The following ZNF648 variants were observed in gnomAD, a reference collection of about 807,000 sequenced individuals.
ZNF648 encodes zinc finger protein 648.
In ZNF648, 1 loss-of-function variant was observed where a neutral mutation model predicts 0.3. The ratio of observed to expected loss-of-function variants is 3.90; its 90% CI spans 1.39 to 18.51. ZNF648 has a LOEUF of 18.51. Among genes scored for constraint, ZNF648 ranks in the 30% most tolerant of loss-of-function variants. The pLI is 0.11. For missense variants in ZNF648, 874 were observed against 769.7 expected (o/e 1.14, Z -1.60); for synonymous variants, 376 against 326.8 (o/e 1.15, Z -1.62).
At position 182,056,746 on chromosome 1, in the gene ZNF648, C is replaced by T. The variant is rs930180606; in HGVS notation, c.1265G>A (p.Cys422Tyr). Residue 422 changes from cysteine to tyrosine, a missense_variant, in exon 2 of 2, where the codon TGC (cysteine) becomes TAC (tyrosine). Coordinates refer to ENST00000339948, the MANE Select transcript of ZNF648 (RefSeq NM_001009992.1). Reference sequence around the variant, plus strand: ...GGTGAAGCACTTGCCGCAGGTGGGGCAGGGGAAGGGCCGCTCGCCCGAGTG... The same window carrying T: ...GGTGAAGCACTTGCCGCAGGTGGGGTAGGGGAAGGGCCGCTCGCCCGAGTG... ...RVHSGERPFP[C>Y]PTCGKCFTKS... The T allele has an allele frequency of 2.5e-6, 4 of 1,574,860 alleles. No individual in the cohort carries two copies. The highest frequency in any genetic ancestry group is 2.6e-6 in the Non-Finnish European group (3 of 1,160,338).
intron 1 of ZNF648, among the ~76,000 whole-genome samples, chr1:182,060,897 C>T (rs961126852): frequency 3.9e-5 from 6 of 152,184 alleles, no homozygotes; most frequent in South Asian, 2.1e-4. Flanking sequence ...TGACTTTACC[C>T]GCTCCCCACC....
chr1:182,056,787 C>T lies in ZNF648; in HGVS notation c.1224G>A (p.Val408=), dbSNP rs1205208346. ...DREFAVASRM[V]EHQRVHSGER... ...CGCCCGAGTGCACGCGCTGGTGCTC[C>T]ACCATGCGGCTGGCCACAGCGAACT... The change falls in exon 2 of 2, where the codon GTG becomes GTA. Residue 408 remains valine (V), a synonymous_variant. Coordinates refer to ENST00000339948, the MANE Select transcript of ZNF648 (RefSeq NM_001009992.1). 1.9e-6 allele frequency: 3 copies of T among 1,556,198 alleles called. No individual in the cohort carries two copies. The highest frequency in any genetic ancestry group is 1.2e-5 in the South Asian group (1 of 84,762).
At position 182,057,821 on chromosome 1, in the gene ZNF648, C is replaced by T. The variant is rs757852320; in HGVS notation, c.190G>A (p.Glu64Lys). 4 of 1,614,208 alleles carry T rather than the reference C, an allele frequency of 2.5e-6. No individual in the cohort carries two copies. The highest frequency in any genetic ancestry group is 2.2e-5 in the East Asian group (1 of 44,868). ...TGGGGCCATGGCAAGTCAGGATTTT[C>T]GTGTGTTACTGGGGAGCTGCCCCTT... ...CPRGSSPVTH[E>K]NPDLPWPHPL... Residue 64 changes from glutamate (E) to lysine (K), a missense_variant, in exon 2 of 2, where the codon GAA becomes AAA. Transcript: ENST00000339948.
Position 182,056,273 on chromosome 1 carries a change from G to C in ZNF648, c.*31C>G, listed in dbSNP as rs367568463. 7.4e-5 allele frequency: 116 copies of C among 1,574,804 alleles called. No homozygotes were observed. Among genetic ancestry groups the C allele is most frequent in the African/African-American group, 1.3e-5 (1 of 74,090 alleles). On this transcript the variant is annotated 3_prime_UTR_variant, in exon 2 of 2. Transcript: ENST00000339948. ...CATGTGAGTGGGCCCACCTGGGAAG[G>C]TTCCAAGTAGTGAGGTCGACGATGC...
Position 182,055,987 on chromosome 1 carries a change from T to G in ZNF648, c.*317A>C. ...CTGGAGCCCGGCCCAGTGCCCAGCA[T>G]GTAATTCTAGAAGCAGTTTCTGATT... On this transcript the variant is annotated 3_prime_UTR_variant, in exon 2 of 2. Transcript: ENST00000339948. This position sits in a 1 kb window ranked among gnomAD's most constrained non-coding sequence, Gnocchi z 4.1. The G allele has an allele frequency of 9.0e-6, 3 of 332,720 alleles. No homozygotes were observed. Among genetic ancestry groups the G allele is most frequent in the Non-Finnish European group, 1.7e-5 (3 of 181,266 alleles). 20.6% of individuals were successfully genotyped at this position (332,720 alleles called of 1,614,324 possible). A position where few individuals can be genotyped will look rare whatever the true frequency, so the allele number is the denominator to read the frequency against.
At chr1:182,062,530 C>A (rs897146247), upstream of ZNF648, 3 of 152,150 alleles carry the variant, frequency 2.0e-5, no homozygotes, top group Non-Finnish European at 4.4e-5. Flanking sequence ...AGTTATTTAA[C>A]CTCTGTGTGC....
Position 182,057,248 on chromosome 1 carries a change from C to T in ZNF648, c.763G>A (p.Gly255Ser), listed in dbSNP as rs1665941872. The T allele has an allele frequency of 8.9e-6, 14 of 1,575,206 alleles. No individual in the cohort carries two copies. Among genetic ancestry groups the T allele is most frequent in the Non-Finnish European group, 1.2e-5 (14 of 1,167,082 alleles). The change falls in exon 2 of 2, where the codon GGC becomes AGC. Residue 255 changes from glycine (G) to serine (S), a missense_variant. Gly to Ser is a moderately conservative substitution (Grantham distance 56). Transcript: ENST00000339948. ...CTGGGCTTCTGAAAGGCCCGCCCGC[C>T]CCGCAGGCACCTGTAGGGACGCGCC... ...AEARPYRCLR[G>S]GRAFQKPSKP...
chr1:182,056,419 G>A lies in ZNF648; in HGVS notation c.1592C>T (p.Pro531Leu). 6.2e-7 allele frequency: 1 copy of A among 1,614,146 alleles called. No homozygotes were observed. The highest frequency in any genetic ancestry group is 1.1e-5 in the South Asian group (1 of 91,070). Reference sequence around the variant, plus strand: ...CTGGCCGCAGTCCTCACACTGGTAGGGCCTCTCTCCGTTGTGCATTCGTAT... The same window carrying A: ...CTGGCCGCAGTCCTCACACTGGTAGAGCCTCTCTCCGTTGTGCATTCGTAT... ...QHIRMHNGERPYQCEDCGQAF... is the reference protein window; with the variant it reads ...QHIRMHNGERLYQCEDCGQAF... Residue 531 changes from proline to leucine, a missense_variant, in exon 2 of 2, where the codon CCC (proline) becomes CTC (leucine). Pro to Leu is a moderately conservative substitution (Grantham distance 98). Transcript: ENST00000339948.
rs777481899 is a variant in ZNF648, at chr1:182,056,293, C to T, written c.*11G>A. 1.3e-6 allele frequency: 2 copies of T among 1,594,722 alleles called. No homozygotes were observed. The highest frequency in any genetic ancestry group is 1.7e-6 in the Non-Finnish European group (2 of 1,169,220). On this transcript the variant is annotated 3_prime_UTR_variant, in exon 2 of 2. Transcript: ENST00000339948. ...GGAAGGTTCCAAGTAGTGAGGTCGA[C>T]GATGCTATCTTCACTCGTCAGAGGA...
In ZNF648 at chr1:182,057,520, G is replaced by A; in HGVS notation, c.491C>T (p.Pro164Leu). 6.2e-7 allele frequency: 1 copy of A among 1,614,236 alleles called. No homozygotes were observed. Among genetic ancestry groups the A allele is most frequent in the South Asian group, 1.1e-5 (1 of 91,084 alleles). ...GANQDAVLDV[P>L]PSFPSNGKYL... is the part of the protein sequence containing the mutation. ...CTTTCCATTGCTGGGGAAGCTGGGT[G>A]GGACATCCAAGACTGCGTCCTGGTT... Residue 164 changes from proline to leucine, a missense_variant, in exon 2 of 2, where the codon CCA becomes CTA. Pro to Leu is a moderately conservative substitution (Grantham distance 98). Coordinates refer to ENST00000339948, the MANE Select transcript of ZNF648 (RefSeq NM_001009992.1).
upstream of ZNF648, among the ~76,000 whole-genome samples, chr1:182,065,927 C>A: frequency 6.6e-6 from 1 of 152,200 alleles, no homozygotes; most frequent in East Asian, 1.9e-4. Context: ...TTTACTGTCT[C>A]ATTTAATCTT....
In ZNF648 at chr1:182,056,974, C is replaced by T; in HGVS notation, c.1037G>A (p.Arg346His). 6.2e-7 allele frequency: 1 copy of T among 1,613,704 alleles called. No individual in the cohort carries two copies. The highest frequency in any genetic ancestry group is 8.5e-7 in the Non-Finnish European group (1 of 1,179,926). Residue 346 changes from arginine to histidine, a missense_variant, in exon 2 of 2, where the codon CGC becomes CAC. Arg to His is a conservative substitution (Grantham distance 29, BLOSUM62 0). Coordinates refer to ENST00000339948, the MANE Select transcript of ZNF648 (RefSeq NM_001009992.1). ...PCPDCGKAFVRSSDLRKHQRN... is the reference protein window; with the variant it reads ...PCPDCGKAFVHSSDLRKHQRN... ...CTGGTGTTTGCGCAGGTCCGAAGAGCGCACGAAGGCCTTCCCGCAGTCTGG... is the reference window on the plus strand; with the variant it reads ...CTGGTGTTTGCGCAGGTCCGAAGAGTGCACGAAGGCCTTCCCGCAGTCTGG...
chr1:182,057,374 A>G lies in ZNF648; in HGVS notation c.637T>C (p.Ser213Pro), dbSNP rs561218983. 5.6e-6 allele frequency: 9 copies of G among 1,612,600 alleles called. No homozygotes were observed. The East Asian group carries it at 2.0e-4, about 36-fold the overall frequency. ...TQETHTPAQASATPASLAAAV... is the reference protein window; with the variant it reads ...TQETHTPAQAPATPASLAAAV... ...GCAGCCAGGCTGGCTGGGGTGGCCGACGCCTGGGCTGGTGTATGTGTCTCT... is the reference window on the plus strand; with the variant it reads ...GCAGCCAGGCTGGCTGGGGTGGCCGGCGCCTGGGCTGGTGTATGTGTCTCT... The change falls in exon 2 of 2, where the codon TCG (serine) becomes CCG (proline). Residue 213 changes from serine to proline, a missense_variant. Coordinates refer to ENST00000339948, the MANE Select transcript of ZNF648 (RefSeq NM_001009992.1).
At chr1:182,065,535 C>CGT (rs1557979668), upstream of ZNF648, among the ~76,000 whole-genome samples, 2 of 152,172 alleles carry the variant, frequency 1.3e-5, no homozygotes. Context: ...AAATTGTCCA[C>CGT]GTGAGTCCTC....
chr1:182,063,497 T>A (rs2101923158), upstream of ZNF648: 1 of 152,380 alleles, frequency 6.6e-6, no homozygotes, highest in South Asian at 2.1e-4. Flanking sequence ...GCTGCATGTA[T>A]GTCTTCTTTT....
In ZNF648 at chr1:182,057,033, G is replaced by C; in HGVS notation, c.978C>G (p.Ile326Met). 6.2e-7 allele frequency: 1 copy of C among 1,612,554 alleles called. No homozygotes were observed. The highest frequency in any genetic ancestry group is 8.5e-7 in the Non-Finnish European group (1 of 1,179,700). ...YTWSSDHRKH[I>M]RTHTGEKPYP... ...AGGGTTTCTCGCCTGTGTGGGTGCG[G>C]ATGTGCTTCCGGTGGTCGGAGGACC... Residue 326 changes from isoleucine to methionine, a missense_variant, in exon 2 of 2, where the codon ATC (isoleucine) becomes ATG (methionine). Physicochemically the swap from Ile to Met is conservative, Grantham distance 10. Transcript: ENST00000339948.
rs753677322 is a variant in ZNF648 at position 182,056,781 on chromosome 1, G to A, written c.1230C>T (p.His410=). The change falls in exon 2 of 2, where the codon CAC becomes CAT. Residue 410 remains histidine (H), a synonymous_variant. Coordinates refer to ENST00000339948, the MANE Select transcript of ZNF648 (RefSeq NM_001009992.1). The part of the protein sequence containing the change: ...EFAVASRMVE[H]QRVHSGERPF... ...GCCGCTCGCCCGAGTGCACGCGCTG[G>A]TGCTCCACCATGCGGCTGGCCACAG... 5 of 1,558,164 alleles carry A rather than the reference G, an allele frequency of 3.2e-6. No individual in the cohort carries two copies. In the South Asian group the frequency reaches 4.7e-5, roughly 15 times the overall value.
chr1:182,060,099 T>C (rs1465795983), intron 1 of ZNF648, among the ~76,000 whole-genome samples: 1 of 152,212 alleles, frequency 6.6e-6, no homozygotes, highest in East Asian at 1.9e-4. Context: ...TTGTGTTTTC[T>C]GGGCCAAGGA....
chr1:182,057,878 T>C lies in ZNF648; in HGVS notation c.133A>G (p.Lys45Glu). ...GCCACCGGGTCAGCGGTGCCCTCTT[T>C]TTCGGCCTCCCCACCATCTTCATCG... is the stretch of plus-strand genomic sequence containing the variant. ...SDDEDGGEAE[K>E]EGTADPVACP... The change falls in exon 2 of 2, where the codon AAA (lysine) becomes GAA (glutamate). Residue 45 changes from lysine (K) to glutamate (E), a missense_variant. Transcript: ENST00000339948. 1 of 1,614,152 alleles carries C rather than the reference T, an allele frequency of 6.2e-7. No homozygotes were observed. Among genetic ancestry groups the C allele is most frequent in the Admixed American group, 1.7e-5 (1 of 60,020 alleles).
Sources: gnomAD v4.1 joint callset for allele counts (sites outside exome capture counted in the v4.1 genomes callset) on GRCh38, gnomAD v4.1.1 for gene constraint, Gnocchi (gnomAD v3.1) non-coding constraint, MANE v1.5 for transcripts, NCBI Gene and HGNC (gene_info 2026-07-23, HGNC 2026-07-21) for gene names.